Variants in GRM7 observed in about 807,000 individuals in gnomAD.
The protein encoded by GRM7 is metabotropic glutamate receptor 7.
In GRM7, 35 loss-of-function variants were observed where a neutral mutation model predicts 84.5. The observed-to-expected ratio is 0.41, with a 90% CI of 0.32 to 0.55. The LOEUF is 0.55. Ranked by LOEUF, GRM7 falls within the 20% of genes least tolerant of loss-of-function variation. The pLI is 0.19. For synonymous variants in GRM7, 487 were observed against 455.1 expected (o/e 1.07, Z -0.89); for missense variants, 1,003 against 1,194.6 (o/e 0.84, Z 2.36).
At chr3:7,129,745 G>A (rs1257232208) in intron 1 of GRM7, among the ~76,000 whole-genome samples, 1 of 152,128 alleles carries the variant, frequency 6.6e-6, no homozygotes, top group Admixed American at 6.5e-5. Context: ...AGTAGCCTGG[G>A]TCCTTGGTGA....
At chr3:7,397,806 G>C (rs1261538706) in intron 4 of GRM7, among the ~76,000 whole-genome samples, 12 of 151,970 alleles carry the variant, frequency 7.9e-5, no homozygotes. Context: ...CACAACTTGG[G>C]GGCTGGTGGT....
chr3:7,300,767 A>G (rs189556848), intron 3 of GRM7, among the ~76,000 whole-genome samples: 1 of 152,174 alleles, frequency 6.6e-6, no homozygotes, highest in East Asian at 1.9e-4. Context: ...AAAATTCTTC[A>G]TACTCACTCA....
At chr3:6,905,853 A>G (rs1422637157) in intron 1 of GRM7, among the ~76,000 whole-genome samples, 3 of 152,178 alleles carry the variant, frequency 2.0e-5, no homozygotes, top group African/African-American at 7.2e-5. Context: ...CCTATATCTA[A>G]TGAAATGATG....
At chr3:7,338,662 C>A (rs1701520140) in intron 4 of GRM7, among the ~76,000 whole-genome samples, 1 of 152,026 alleles carries the variant, frequency 6.6e-6, no homozygotes. Flanking sequence ...ACCATGGATG[C>A]TCTGTGAAAA....
At chr3:6,917,963 G>A (rs1172830556) in intron 1 of GRM7, among the ~76,000 whole-genome samples, 4 of 152,134 alleles carry the variant, frequency 2.6e-5, no homozygotes, top group African/African-American at 7.2e-5. Flanking sequence ...CTTAAATTTT[G>A]TATGGTTTAG....
At chr3:7,434,061 C>G (rs1391079765) in intron 5 of GRM7, among the ~76,000 whole-genome samples, 1 of 151,944 alleles carries the variant, frequency 6.6e-6, no homozygotes, top group East Asian at 1.9e-4. Context: ...TAAATTCAAC[C>G]CTAAGTTTTT....
intron 1 of GRM7, among the ~76,000 whole-genome samples, chr3:6,911,784 C>A (rs75570652): frequency 6.6e-6 from 1 of 151,852 alleles, no homozygotes; most frequent in Non-Finnish European, 1.5e-5. Context: ...TTTATTTAAG[C>A]GAAGAGTAAA....
Position 7,493,196 on chromosome 3 carries a change from A to G in GRM7, c.1515+31474A>G, listed in dbSNP as rs953782302. On this transcript the variant is annotated intron_variant, in intron 7 of 9. Transcript: ENST00000357716. ...GTCAATTACATCTTTTTGGTTGACT[A>G]TATTGTTCATGTTGTTTATATTCTT... Among the ~76,000 whole-genome samples the G allele has an allele frequency of 1.5e-4, 23 of 152,100 alleles. No individual in the cohort carries two copies. In the East Asian group the frequency reaches 3.3e-3, roughly 22 times the overall value.
intron 1 of GRM7, among the ~76,000 whole-genome samples, chr3:6,916,013 T>G (rs1185301426): frequency 3.3e-5 from 5 of 152,168 alleles, no homozygotes; most frequent in African/African-American, 1.2e-4. Flanking sequence ...ATTCTGGGAG[T>G]AGACTCAGAG....
chr3:7,081,806 G>C (rs1267261518), intron 1 of GRM7, among the ~76,000 whole-genome samples: 2 of 152,022 alleles, frequency 1.3e-5, no homozygotes, highest in East Asian at 1.9e-4. Flanking sequence ...GAAAATGTTT[G>C]AGTGGTGTGG....
At chr3:7,382,106 C>CTTCTT (rs1694615221) in intron 4 of GRM7, among the ~76,000 whole-genome samples, 1 of 152,026 alleles carries the variant, frequency 6.6e-6, no homozygotes, top group South Asian at 2.1e-4. Flanking sequence ...TATAATGATC[C>CTTCTT]TTCTTTTCTC....
At chr3:7,540,743 A>C (rs931469337) in intron 7 of GRM7, among the ~76,000 whole-genome samples, 1 of 152,230 alleles carries the variant, frequency 6.6e-6, no homozygotes. Context: ...TTACAAAAAG[A>C]TATGTAAAGA....
rs147356708 is a variant in GRM7, at chr3:7,097,749, G to A, written c.520-48703G>A. The stretch of plus-strand genomic sequence containing the variant: ...TGAGGTCACCAGAACTTCCAGATTG[G>A]CAAATTCAATAGTTTTGTCTCACAT... On this transcript the variant is annotated intron_variant, in intron 1 of 9. Coordinates refer to ENST00000357716, the MANE Select transcript of GRM7 (RefSeq NM_000844.4). Among the ~76,000 whole-genome samples the A allele has an allele frequency of 1.9e-3, 286 of 152,174 alleles. 10 individuals carry two copies. In the East Asian group the frequency reaches 0.044, roughly 23 times the overall value.
intron 4 of GRM7, among the ~76,000 whole-genome samples, chr3:7,361,785 G>T (rs1693676175): frequency 2.0e-5 from 3 of 152,082 alleles, no homozygotes. Flanking sequence ...GAACTAATGG[G>T]TATTTTCTTC....
chr3:6,911,790 G>C (rs1386714933), intron 1 of GRM7, among the ~76,000 whole-genome samples: 3 of 152,132 alleles, frequency 2.0e-5, no homozygotes, highest in African/African-American at 7.2e-5. Flanking sequence ...TAAGCGAAGA[G>C]TAAATCTTCC....
intron 4 of GRM7, among the ~76,000 whole-genome samples, chr3:7,316,946 C>T (rs1025942588): frequency 2.6e-5 from 4 of 151,848 alleles, no homozygotes; most frequent in South Asian, 2.1e-4. Context: ...TCTGTCATCA[C>T]GAGGATAAGA....
intron 4 of GRM7, among the ~76,000 whole-genome samples, chr3:7,319,772 C>G (rs1356223682): frequency 6.6e-6 from 1 of 151,954 alleles, no homozygotes; most frequent in Admixed American, 6.6e-5. Flanking sequence ...CTCAACTGTT[C>G]TTTAGACATA....
chr3:7,454,630 T>G (rs1697926829), intron 6 of GRM7, among the ~76,000 whole-genome samples: 1 of 152,098 alleles, frequency 6.6e-6, no homozygotes, highest in Non-Finnish European at 1.5e-5. Context: ...GAAGCTAATC[T>G]ATGTATATAA....
At chr3:7,246,416 G>C (rs562175518) in intron 2 of GRM7, among the ~76,000 whole-genome samples, 27 of 152,250 alleles carry the variant, frequency 1.8e-4, no homozygotes, top group African/African-American at 6.5e-4. Context: ...TTACAAGAGA[G>C]ATTGGCTCCT....
Sources: allele counts gnomAD v4.1 joint callset (sites outside exome capture counted in the v4.1 genomes callset), GRCh38; gene constraint gnomAD v4.1.1; transcripts MANE v1.5; gene names NCBI Gene and HGNC (gene_info 2026-07-23, HGNC 2026-07-21).